NMU: variants seen among roughly 807,000 people sequenced by gnomAD.
The protein encoded by NMU is neuromedin-U.
In NMU, 29 loss-of-function variants were observed where a neutral mutation model predicts 35.4. That is an observed-to-expected ratio of 0.82 (90% CI 0.61 to 1.12). The LOEUF (loss-of-function observed/expected upper bound fraction) is 1.12. Ranked by LOEUF, NMU falls within the 50% of genes most tolerant of loss-of-function variation. The pLI is 0.00. For missense variants in NMU, 199 were observed against 206.2 expected (o/e 0.97, Z 0.21); for synonymous variants, 78 against 81.3 (o/e 0.96, Z 0.22).
At position 55,607,482 on chromosome 4, in the gene NMU, A is replaced by G. The variant is rs748102706; in HGVS notation, c.280-16T>C. The G allele has an allele frequency of 3.5e-6, 3 of 865,868 alleles. No individual in the cohort carries two copies. Among genetic ancestry groups the G allele is most frequent in the South Asian group, 1.5e-5 (1 of 64,696 alleles). 53.6% of individuals were successfully genotyped at this position (865,868 alleles called of 1,614,324 possible). ...CATCTTGTTCCTATTGAAAAGAGAT[A>G]TTGTATATATCATTATATATTGTAA... On this transcript the variant is annotated splice_polypyrimidine_tract_variant and intron_variant, in intron 4 of 9. Coordinates refer to ENST00000264218, the MANE Select transcript of NMU (RefSeq NM_006681.4).
At chr4:55,614,260 T>C (rs1734035376) in intron 3 of NMU, among the ~76,000 whole-genome samples, 1 of 152,332 alleles carries the variant, frequency 6.6e-6, no homozygotes, top group Non-Finnish European at 1.5e-5. Context: ...TTATCATTTA[T>C]TTTGTATGTA....
intron 7 of NMU, among the ~76,000 whole-genome samples, 166 bp downstream of exon 7, chr4:55,605,109 C>T (rs546701235): frequency 6.6e-6 from 1 of 152,134 alleles, no homozygotes; most frequent in Non-Finnish European, 1.5e-5. Context: ...GCGGCTTGAA[C>T]AATTCTCTTC....
At chr4:55,605,204 C>T in intron 7 of NMU, 71 bp downstream of exon 7, 2 of 1,007,426 alleles carry the variant, frequency 2.0e-6, no homozygotes, top group Non-Finnish European at 1.6e-6. Flanking sequence ...TGAACTACCA[C>T]AGCTGGGAAT....
chr4:55,635,996 GAGAA>G, intron 1 of NMU, 81 bp downstream of exon 1: 1 of 1,528,568 alleles, frequency 6.5e-7, no homozygotes, highest in African/African-American at 1.4e-5. Flanking sequence ...GTAAAGGTGA[GAGAA>G]AGAGGGTGGA....
Position 55,607,344 on chromosome 4 carries a change from A to C in NMU, c.314T>G (p.Leu105Ter), listed in dbSNP as rs1306640667. Residue 105 changes from leucine to a stop codon, truncating the protein, a stop_gained, in exon 6 of 10, where the codon TTA becomes TGA. Transcript: ENST00000264218. LOFTEE classifies it high-confidence loss of function. ...QDEKDNTKRF[L>*]FHYSKTQKLG... ...CTTCTGTGTCTTCGAATAATGAAAT[A>C]AGAACTGTTTAAAAAAAGCAGTAAG... is the stretch of plus-strand genomic sequence containing the variant. 6.2e-7 allele frequency: 1 copy of C among 1,605,520 alleles called. No individual in the cohort carries two copies. Among genetic ancestry groups the C allele is most frequent in the East Asian group, 2.2e-5 (1 of 44,652 alleles).
At chr4:55,603,268 T>C (rs957609082) in intron 7 of NMU, among the ~76,000 whole-genome samples, 15 of 151,994 alleles carry the variant, frequency 9.9e-5, no homozygotes, top group African/African-American at 3.4e-4. Context: ...CACCTCGGGC[T>C]CCCAAAGTGC....
At chr4:55,596,906 T>C (rs1448296340) in intron 9 of NMU, among the ~76,000 whole-genome samples, 3 of 152,220 alleles carry the variant, frequency 2.0e-5, no homozygotes, top group Non-Finnish European at 4.4e-5. Flanking sequence ...TTTGAGACCA[T>C]TGTATAAATC....
intron 7 of NMU, among the ~76,000 whole-genome samples, chr4:55,604,254 C>T (rs1007564194): frequency 2.0e-5 from 3 of 151,116 alleles, no homozygotes; most frequent in East Asian, 2.0e-4. Context: ...TTAGTAGAGA[C>T]GGTGTTTCAC....
chr4:55,632,582 G>C (rs1317612652), intron 1 of NMU, among the ~76,000 whole-genome samples: 2 of 152,136 alleles, frequency 1.3e-5, no homozygotes, highest in African/African-American at 4.8e-5. Flanking sequence ...CAAAGTCACA[G>C]TTATCTGGTA....
intron 4 of NMU, among the ~76,000 whole-genome samples, chr4:55,608,015 T>A (rs141795910): frequency 6.6e-6 from 1 of 151,622 alleles, no homozygotes; most frequent in African/African-American, 2.4e-5. Context: ...CTAAAAAAAA[T>A]ACAAAAAATT....
At position 55,595,623 on chromosome 4, in the gene NMU, GTATA is replaced by G. The variant is rs150284330; in HGVS notation, c.*5-216_*5-213del. Among the ~76,000 whole-genome samples the G allele has an allele frequency of 2.1e-3, 217 of 102,120 alleles. 22 individuals carry two copies. In the Middle Eastern group the frequency reaches 0.025, roughly 12 times the overall value. The allele number at this position is 102,120 out of a possible 152,430, so 67.0% of individuals were successfully genotyped here. Reference sequence around the variant, plus strand: ...AAGAAATATATATATGTGTGTGTGTGTATATATATATATATATATATTTTTTTTT... The same window carrying G: ...AAGAAATATATATATGTGTGTGTGTGTATATATATATATATATTTTTTTTT... On this transcript the variant is annotated intron_variant, in intron 9 of 9. Coordinates refer to ENST00000264218, the MANE Select transcript of NMU (RefSeq NM_006681.4).
In NMU at chr4:55,605,357, GACATGAACAC is replaced by G; in HGVS notation, c.361-18_361-9del. 4.4e-6 allele frequency: 7 copies of G among 1,604,830 alleles called. No homozygotes were observed. Among genetic ancestry groups the G allele is most frequent in the Non-Finnish European group, 6.0e-6 (7 of 1,171,418 alleles). On this transcript the variant is annotated splice_polypyrimidine_tract_variant and intron_variant, in intron 6 of 9. Transcript: ENST00000264218. ...CGGATGCACAACTGACGACTGAGAG[GACATGAACAC>G]ACACGTGAATAAGTGCATGGCTTCT...
intron 4 of NMU, among the ~76,000 whole-genome samples, chr4:55,608,644 A>C (rs1462992213): frequency 6.6e-6 from 1 of 152,140 alleles, no homozygotes; most frequent in Non-Finnish European, 1.5e-5. Flanking sequence ...CAGGACAAAA[A>C]GTTCTCCCAG....
At chr4:55,628,784 G>A (rs906703042) in intron 2 of NMU, among the ~76,000 whole-genome samples, 5 of 151,792 alleles carry the variant, frequency 3.3e-5, no homozygotes, top group Admixed American at 1.3e-4. Flanking sequence ...CACCACACCC[G>A]GCCTTATTTT....
intron 9 of NMU, among the ~76,000 whole-genome samples, chr4:55,597,427 G>A (rs1699863452): frequency 6.6e-6 from 1 of 151,778 alleles, no homozygotes; most frequent in African/African-American, 2.4e-5. Flanking sequence ...GGAGTACAAT[G>A]GTGCAGTCTT....
chr4:55,603,927 A>AAATATATATATATGTATATATGTG (rs748577361), intron 7 of NMU, among the ~76,000 whole-genome samples: 1 of 47,264 alleles, frequency 2.1e-5, no homozygotes, highest in African/African-American at 1.1e-4. Flanking sequence ...AAAAAAAAAA[A>AAATATATATATATGTATATATGTG]TATATATATA....
chr4:55,602,283 C>G (rs1733459290), intron 7 of NMU, among the ~76,000 whole-genome samples: 1 of 152,152 alleles, frequency 6.6e-6, no homozygotes, highest in Non-Finnish European at 1.5e-5. Flanking sequence ...TTCAAGAATT[C>G]AAAATATTTC....
chr4:55,607,204 T>A, intron 6 of NMU, 94 bp downstream of exon 6: 1 of 851,738 alleles, frequency 1.2e-6, no homozygotes, highest in Non-Finnish European at 1.9e-6. Context: ...AAGTAAAAAA[T>A]TTGAATTCTG....
intron 1 of NMU, 131 bp from the exon 2 acceptor site, chr4:55,630,591 T>C (rs1373490768): frequency 4.1e-6 from 3 of 728,306 alleles, no homozygotes; most frequent in Non-Finnish European, 2.4e-6. Context: ...TTTCAATATT[T>C]CAGCATTTGA....
Sources: allele counts gnomAD v4.1 joint callset (sites outside exome capture counted in the v4.1 genomes callset), GRCh38; gene constraint gnomAD v4.1.1; transcripts MANE v1.5; gene names NCBI Gene and HGNC (gene_info 2026-07-23, HGNC 2026-07-21).